The following ALLC variants were observed in gnomAD, a reference collection of about 807,000 sequenced individuals.
ALLC encodes probable inactive allantoicase.
A neutral mutation model predicts 45.0 loss-of-function variants in ALLC; 40 were observed. The observed-to-expected ratio is 0.89, with a 90% CI of 0.69 to 1.16. ALLC has a LOEUF of 1.16. Among genes scored for constraint, ALLC ranks in the 50% most tolerant of loss-of-function variants. ALLC has a pLI of 0.00. For missense variants in ALLC, 488 were observed against 493.1 expected (o/e 0.99, Z 0.10); for synonymous variants, 176 against 178.1 (o/e 0.99, Z 0.09).
At chr2:3,671,806 T>G (rs1666881693) in intron 2 of ALLC, among the ~76,000 whole-genome samples, 1 of 143,446 alleles carries the variant, frequency 7.0e-6, no homozygotes, top group South Asian at 2.2e-4. Flanking sequence ...TGGCTCTGGT[T>G]AGATGGGAGG....
At chr2:3,661,120 A>C (rs1666566189) in intron 1 of ALLC, among the ~76,000 whole-genome samples, 1 of 152,086 alleles carries the variant, frequency 6.6e-6, no homozygotes, top group Non-Finnish European at 1.5e-5. Flanking sequence ...TCATTAGCTG[A>C]ATGACATTGG....
In ALLC at chr2:3,697,359, T is replaced by C. The variant is rs774308398; in HGVS notation, c.753T>C (p.Asn251=). 6.2e-7 allele frequency: 1 copy of C among 1,613,664 alleles called. No individual in the cohort carries two copies. Among genetic ancestry groups the C allele is most frequent in the Non-Finnish European group, 8.5e-7 (1 of 1,179,586 alleles). ...DRPPILENDE[N]GILLVPGCEW... Reference sequence around the variant, plus strand: ...CTTCTGAATTCCAGAATGATGAGAATGGCATTCTCTTGGTTCCGGGTTGTG... The same window carrying C: ...CTTCTGAATTCCAGAATGATGAGAACGGCATTCTCTTGGTTCCGGGTTGTG... Residue 251 remains asparagine, a synonymous_variant, in exon 10 of 12, where the codon AAT becomes AAC. Coordinates refer to ENST00000252505, the MANE Select transcript of ALLC (RefSeq NM_018436.4).
intron 6 of ALLC, among the ~76,000 whole-genome samples, chr2:3,681,996 G>A (rs1052954633): frequency 3.3e-5 from 5 of 152,188 alleles, no homozygotes; most frequent in Non-Finnish European, 5.9e-5. Flanking sequence ...GATAGTAAGC[G>A]TTTAAACACT....
chr2:3,660,315 C>T (rs1180421644), intron 1 of ALLC, among the ~76,000 whole-genome samples: 1 of 152,192 alleles, frequency 6.6e-6, no homozygotes, highest in Non-Finnish European at 1.5e-5. Flanking sequence ...GAAGCATATG[C>T]TAGCGCCGTG....
intron 1 of ALLC, among the ~76,000 whole-genome samples, chr2:3,663,525 C>T (rs891006969): frequency 2.0e-5 from 3 of 151,818 alleles, no homozygotes; most frequent in African/African-American, 4.8e-5. Context: ...CCATGGCACA[C>T]GTTTACCTAC....
chr2:3,673,963 G>T, intron 2 of ALLC, 112 bp from the exon 3 acceptor site: 1 of 787,862 alleles, frequency 1.3e-6, no homozygotes. Flanking sequence ...CTTCCCCTAG[G>T]TGATTTCACG....
At chr2:3,697,007 G>T (rs1332970747) in intron 9 of ALLC, among the ~76,000 whole-genome samples, 2 of 152,126 alleles carry the variant, frequency 1.3e-5, no homozygotes, top group African/African-American at 4.8e-5. Flanking sequence ...AACAAAATAT[G>T]TACCTTAAAA....
intron 6 of ALLC, among the ~76,000 whole-genome samples, chr2:3,682,727 G>A (rs542706533): frequency 3.2e-4 from 48 of 152,160 alleles, no homozygotes; most frequent in South Asian, 1.9e-3. Context: ...GGGTTTCACC[G>A]TGTTAGCCAG....
chr2:3,673,951 C>T (rs1384553080), intron 2 of ALLC, 124 bp from the exon 3 acceptor site: 17 of 694,902 alleles, frequency 2.4e-5, no homozygotes, highest in Admixed American at 8.6e-5. Flanking sequence ...CAGATTCTGT[C>T]GCTTCCCCTA....
In ALLC at chr2:3,697,390, G is replaced by T. The variant is rs763818553; in HGVS notation, c.784G>T (p.Ala262Ser). The change falls in exon 10 of 12, where the codon GCA (alanine) becomes TCA (serine). Residue 262 changes from alanine (A) to serine (S), a missense_variant. Transcript: ENST00000252505. ...GILLVPGCEWAVFRLAHPGVI... is the reference protein window; with the variant it reads ...GILLVPGCEWSVFRLAHPGVI... ...TCTCTTGGTTCCGGGTTGTGAATGG[G>T]CAGTTTTCCGATTGGCACATCCTGG... The T allele has an allele frequency of 1.2e-6, 2 of 1,613,932 alleles. No individual in the cohort carries two copies. The highest frequency in any genetic ancestry group is 1.7e-6 in the Non-Finnish European group (2 of 1,179,852).
At chr2:3,649,294 T>G in the ALLC span, among the ~76,000 whole-genome samples, 1 of 149,600 alleles carries the variant, frequency 6.7e-6, no homozygotes. Context: ...CAGGCTGGAG[T>G]GCAGTGGTGC....
chr2:3,684,849 G>A (rs1206122499), intron 7 of ALLC, among the ~76,000 whole-genome samples: 1 of 152,038 alleles, frequency 6.6e-6, no homozygotes, highest in Non-Finnish European at 1.5e-5. Context: ...TGGGGTACAT[G>A]AAATGTTTTA....
rs140884147 is a variant in ALLC, at chr2:3,685,428, CGAGA to C, written c.511+2369_511+2372del. ...GGCATGTCTTACATGGCAGCAGGAT[CGAGA>C]GAGAGAGAGAGAGACAGAGAGAGAG... On this transcript the variant is annotated intron_variant, in intron 7 of 11. Transcript: ENST00000252505. 1.6e-4 allele frequency among the ~76,000 whole-genome samples: 24 copies of C among 145,948 alleles called. 1 individual carries two copies. The highest frequency in any genetic ancestry group is 4.2e-4 in the African/African-American group (17 of 40,298).
upstream of ALLC, among the ~76,000 whole-genome samples, chr2:3,657,546 G>C (rs578102949): frequency 1.9e-4 from 29 of 152,314 alleles, no homozygotes; most frequent in South Asian, 4.1e-4. Flanking sequence ...TCTGCAGAGT[G>C]GATAGCTTGC....
intron 4 of ALLC, among the ~76,000 whole-genome samples, chr2:3,679,016 C>T (rs1183088587): frequency 6.6e-6 from 1 of 152,120 alleles, no homozygotes; most frequent in African/African-American, 2.4e-5. Flanking sequence ...CAACACTGTA[C>T]CCGCTGTCTT....
At chr2:3,665,974 T>C (rs1238330993) in intron 1 of ALLC, among the ~76,000 whole-genome samples, 1 of 152,186 alleles carries the variant, frequency 6.6e-6, no homozygotes, top group Non-Finnish European at 1.5e-5. Context: ...TTGATCTCTT[T>C]CTCTGTTGAA....
At chr2:3,686,786 A>T (rs1667343586) in intron 7 of ALLC, among the ~76,000 whole-genome samples, 1 of 150,990 alleles carries the variant, frequency 6.6e-6, no homozygotes, top group Non-Finnish European at 1.5e-5. Flanking sequence ...TTGTATGTTG[A>T]ATTTGTATCC....
intron 7 of ALLC, among the ~76,000 whole-genome samples, chr2:3,691,737 AC>A (rs1667523502): frequency 6.6e-6 from 1 of 152,174 alleles, no homozygotes; most frequent in Non-Finnish European, 1.5e-5. Flanking sequence ...TCCCTCCTCA[AC>A]ACCAATAATT....
chr2:3,652,978 G>C, the ALLC span, among the ~76,000 whole-genome samples: 7 of 152,206 alleles, frequency 4.6e-5, no homozygotes, highest in South Asian at 1.4e-3. Context: ...CAGTTGTTAT[G>C]GTCTTGGCTG....
Sources: gnomAD v4.1 joint callset for allele counts (sites outside exome capture counted in the v4.1 genomes callset) on GRCh38, gnomAD v4.1.1 for gene constraint, MANE v1.5 for transcripts, NCBI Gene and HGNC (gene_info 2026-07-23, HGNC 2026-07-21) for gene names.